The following VIPAS39 variants were observed in gnomAD, a reference collection of about 807,000 sequenced individuals.
VIPAS39 encodes the protein VPS33B interacting protein, apical-basolateral polarity regulator, spe-39 homolog.
A neutral mutation model predicts 84.7 loss-of-function variants in VIPAS39; 63 were observed. The observed-to-expected ratio is 0.74, with a 90% CI of 0.61 to 0.92. VIPAS39 has a LOEUF of 0.92. Among genes scored for constraint, VIPAS39 ranks in the 40% least tolerant of loss-of-function variants. VIPAS39 has a pLI of 0.00. For missense variants in VIPAS39, 499 were observed against 604.5 expected (o/e 0.83, Z 1.83); for synonymous variants, 192 against 216.5 (o/e 0.89, Z 0.99).
rs140081211 is a variant in VIPAS39, at chr14:77,457,412, T to C, written c.-1+83A>G. 7.4e-4 allele frequency: 1,138 copies of C among 1,534,830 alleles called. 5 individuals are homozygous for C. The African/African-American group carries it at 0.013, about 17-fold the overall frequency. On this transcript the variant is annotated intron_variant, in intron 1 of 19. Transcript: ENST00000557658. The stretch of plus-strand genomic sequence containing the variant: ...TGTAGTCATAGGGTGTAGGGATGCC[T>C]CCTAGAAGAGGGGAAAAGATCAAGA...
chr14:77,433,796 C>G, intron 16 of VIPAS39, 46 bp downstream of exon 16: 1 of 1,584,852 alleles, frequency 6.3e-7, no homozygotes, highest in Non-Finnish European at 8.7e-7. Flanking sequence ...ATGATAGAAC[C>G]CTTCTGTCTC....
rs144299157 is a variant in VIPAS39 at position 77,454,589 on chromosome 14, G to A, written c.1-487C>T. 1.4e-3 allele frequency among the ~76,000 whole-genome samples: 214 copies of A among 150,284 alleles called. 1 individual carries two copies. The highest frequency in any genetic ancestry group is 4.9e-3 in the African/African-American group (201 of 40,922). On this transcript the variant is annotated intron_variant, in intron 1 of 19. Transcript: ENST00000557658. Reference sequence around the variant, plus strand: ...CTCAGGAGGCTGAGGCAGGAGAATCGCTTGAACCCAGGAGGCAGAGGTTGC... The same window carrying A: ...CTCAGGAGGCTGAGGCAGGAGAATCACTTGAACCCAGGAGGCAGAGGTTGC...
chr14:77,436,858 T>C (rs1187031617), intron 12 of VIPAS39, among the ~76,000 whole-genome samples: 1 of 152,158 alleles, frequency 6.6e-6, no homozygotes, highest in African/African-American at 2.4e-5. Flanking sequence ...CACAGATATA[T>C]CTTTTAGAAA....
chr14:77,454,942 T>C (rs2139907017), intron 1 of VIPAS39, among the ~76,000 whole-genome samples: 1 of 151,832 alleles, frequency 6.6e-6, no homozygotes, highest in South Asian at 2.1e-4. Flanking sequence ...TGAACAAATA[T>C]TCCACCCTCA....
At chr14:77,433,480 C>A (rs954315844) in intron 16 of VIPAS39, among the ~76,000 whole-genome samples, 1 of 152,100 alleles carries the variant, frequency 6.6e-6, no homozygotes, top group Non-Finnish European at 1.5e-5. Context: ...GGATTATAGG[C>A]GTGAGCCACC....
chr14:77,435,729 G>A (rs994050729), intron 13 of VIPAS39, 115 bp downstream of exon 13: 2 of 1,207,924 alleles, frequency 1.7e-6, no homozygotes, highest in Non-Finnish European at 2.4e-6. Flanking sequence ...GAAAATGAAA[G>A]GCTTTTAGAA....
In VIPAS39 at chr14:77,452,108, C is replaced by T; in HGVS notation, c.197-775G>A. 1.3e-5 allele frequency among the ~76,000 whole-genome samples: 2 copies of T among 151,782 alleles called. 1 individual carries two copies. The highest frequency in any genetic ancestry group is 3.9e-4 in the East Asian group (2 of 5,184). ...GCTAAAAAATGATGGTAAACCCATACAATTTAATACTATGCTGCTATTTAA... is the reference window on the plus strand; with the variant it reads ...GCTAAAAAATGATGGTAAACCCATATAATTTAATACTATGCTGCTATTTAA... On this transcript the variant is annotated intron_variant, in intron 3 of 19. Transcript: ENST00000557658.
rs1594902102 is a variant in VIPAS39 at position 77,437,830 on chromosome 14, C to G, written c.814G>C (p.Glu272Gln). The change falls in exon 12 of 20, where the codon GAA becomes CAA. Residue 272 changes from glutamate to glutamine, a missense_variant. Physicochemically the swap from Glu to Gln is conservative, Grantham distance 29. Transcript: ENST00000557658. ...TACCCAACACAGGTTTTAAGAAATT[C>G]TTTTCGTTTGTCAGGGTCCTGAATG... Reference protein sequence around the residue: ...LNIQDPDKRKEFLKTCVGLPF... With the variant: ...LNIQDPDKRKQFLKTCVGLPF... The G allele has an allele frequency of 6.2e-7, 1 of 1,614,094 alleles. No individual in the cohort carries two copies. Among genetic ancestry groups the G allele is most frequent in the Non-Finnish European group, 8.5e-7 (1 of 1,180,004 alleles).
rs112288420 is a variant in VIPAS39 at position 77,436,014 on chromosome 14, C to T, written c.837-95G>A. 43 of 1,202,894 alleles carry T rather than the reference C, an allele frequency of 3.6e-5. No individual in the cohort carries two copies. In the African/African-American group the frequency reaches 3.7e-4, roughly 10 times the overall value. 74.5% of individuals were successfully genotyped at this position (1,202,894 alleles called of 1,614,324 possible). A position where few individuals can be genotyped will look rare whatever the true frequency, so the allele number is the denominator to read the frequency against. On this transcript the variant is annotated intron_variant, in intron 12 of 19. Coordinates refer to ENST00000557658, the MANE Select transcript of VIPAS39 (RefSeq NM_001193315.2). The stretch of plus-strand genomic sequence containing the variant: ...CGCCAGCATAAGTATAAGAGGCTCA[C>T]GGTGCCTCACAAGTCTGATCTCAGT...
In VIPAS39 at chr14:77,435,829, G is replaced by C. The variant is rs2078602131; in HGVS notation, c.912+15C>G. On this transcript the variant is annotated intron_variant, in intron 13 of 19. Coordinates refer to ENST00000557658, the MANE Select transcript of VIPAS39 (RefSeq NM_001193315.2). ...TTGGCACTGAAGCAAAAGATATAGA[G>C]ATGAAGAGTCTAACCTCAATAATGA... 1.2e-6 allele frequency: 2 copies of C among 1,613,684 alleles called. No homozygotes were observed. The highest frequency in any genetic ancestry group is 2.2e-5 in the South Asian group (2 of 91,068).
intron 2 of VIPAS39, among the ~76,000 whole-genome samples, 161 bp downstream of exon 2, chr14:77,453,849 A>T (rs565302457): frequency 6.6e-6 from 1 of 152,356 alleles, no homozygotes; most frequent in East Asian, 1.9e-4. Context: ...TTAAAAAGGT[A>T]AAGTAAGAAA....
intron 10 of VIPAS39, among the ~76,000 whole-genome samples, chr14:77,441,999 C>T (rs2078711142): frequency 6.6e-6 from 1 of 152,200 alleles, no homozygotes; most frequent in South Asian, 2.1e-4. Flanking sequence ...GTTTCATAGG[C>T]CCATGCAAAT....
chr14:77,437,398 T>A (rs985225195), intron 12 of VIPAS39, among the ~76,000 whole-genome samples: 1 of 152,150 alleles, frequency 6.6e-6, no homozygotes, highest in Non-Finnish European at 1.5e-5. Flanking sequence ...CTTTGGGGTT[T>A]CAAGGACCAG....
At chr14:77,454,271 C>T (rs552368856) in intron 1 of VIPAS39, among the ~76,000 whole-genome samples, 169 bp from the exon 2 acceptor site, 5 of 152,270 alleles carry the variant, frequency 3.3e-5, no homozygotes, top group African/African-American at 1.2e-4. Context: ...CTTGGGTCTC[C>T]AACTGATCAA....
chr14:77,454,669 C>A, intron 1 of VIPAS39, among the ~76,000 whole-genome samples: 1 of 91,722 alleles, frequency 1.1e-5, no homozygotes, highest in Non-Finnish European at 2.3e-5. Flanking sequence ...AGCGAAACTC[C>A]GTCTCCAAAA....
Position 77,427,543 on chromosome 14 carries a change from AAAG to A in VIPAS39, c.*70_*72del. 6.3e-7 allele frequency: 1 copy of A among 1,589,380 alleles called. No individual in the cohort carries two copies. The highest frequency in any genetic ancestry group is 1.7e-5 in the Admixed American group (1 of 59,984). ...AGCGATGTGATGCCGCAGCTCTCCC[AAAG>A]AAGAGCTCTCTCTGCTTTCACAGGC... On this transcript the variant is annotated 3_prime_UTR_variant, in exon 20 of 20. Transcript: ENST00000557658.
chr14:77,446,455 C>T (rs2078791628), intron 7 of VIPAS39, among the ~76,000 whole-genome samples: 1 of 152,090 alleles, frequency 6.6e-6, no homozygotes, highest in African/African-American at 2.4e-5. Context: ...AGGCACAAGC[C>T]ACCACACCTG....
At position 77,427,473 on chromosome 14, in the gene VIPAS39, A is replaced by T. The variant is rs2078447386; in HGVS notation, c.*143T>A. The T allele has an allele frequency of 1.4e-5, 13 of 922,724 alleles. No homozygotes were observed. The South Asian group carries it at 1.8e-4, about 13-fold the overall frequency. The allele number at this position is 922,724 out of a possible 1,614,324, so 57.2% of individuals were successfully genotyped here. A position where few individuals can be genotyped will look rare whatever the true frequency, so the allele number is the denominator to read the frequency against. Reference sequence around the variant, plus strand: ...TTGGACAGAAGATCAGTCTGAAGTTATCTGTGTCAAGAGTAGCTGGCACTG... The same window carrying T: ...TTGGACAGAAGATCAGTCTGAAGTTTTCTGTGTCAAGAGTAGCTGGCACTG... On this transcript the variant is annotated 3_prime_UTR_variant, in exon 20 of 20. Coordinates refer to ENST00000557658, the MANE Select transcript of VIPAS39 (RefSeq NM_001193315.2).
intron 19 of VIPAS39, among the ~76,000 whole-genome samples, chr14:77,427,975 C>T (rs1007214178): frequency 6.6e-6 from 1 of 152,174 alleles, no homozygotes; most frequent in African/African-American, 2.4e-5. Flanking sequence ...CTGTGCTCCC[C>T]AGGTAGCTAA....
Sources: allele counts gnomAD v4.1 joint callset (sites outside exome capture counted in the v4.1 genomes callset), GRCh38; gene constraint gnomAD v4.1.1; transcripts MANE v1.5; gene names NCBI Gene and HGNC (gene_info 2026-07-23, HGNC 2026-07-21).